Variants in SUGCT observed in about 807,000 individuals in gnomAD.
SUGCT encodes the protein succinyl-CoA:glutarate CoA-transferase.
SUGCT carries 41 observed loss-of-function variants against 55.0 expected under a neutral mutation model. That is an observed-to-expected ratio of 0.74 (90% CI 0.58 to 0.97). The LOEUF (loss-of-function observed/expected upper bound fraction) is 0.97. Ranked by LOEUF, SUGCT falls within the 50% of genes least tolerant of loss-of-function variation. The pLI, the probability that SUGCT is intolerant of heterozygous loss-of-function variation, is 0.00. For synonymous variants in SUGCT, 187 were observed against 200.4 expected (o/e 0.93, Z 0.56); for missense variants, 568 against 547.8 (o/e 1.04, Z -0.37).
intron 12 of SUGCT, among the ~76,000 whole-genome samples, chr7:40,673,490 A>G (rs1404027115): frequency 6.6e-6 from 1 of 152,130 alleles, no homozygotes; most frequent in African/African-American, 2.4e-5. Context: ...CCTCTGAACC[A>G]CTGAGTCACT....
At chr7:40,983,314 A>G in the SUGCT span, among the ~76,000 whole-genome samples, 2 of 152,064 alleles carry the variant, frequency 1.3e-5, no homozygotes, top group African/African-American at 2.4e-5. Flanking sequence ...CTCAACCGTA[A>G]CAGACAGTCC....
chr7:40,409,591 T>C (rs578066481), intron 9 of SUGCT, among the ~76,000 whole-genome samples: 7 of 152,346 alleles, frequency 4.6e-5, no homozygotes, highest in Admixed American at 2.0e-4. Flanking sequence ...AGTTCAATTC[T>C]ATTGTCATTG....
intron 13 of SUGCT, chr7:40,775,521 A>G (rs1379577781): frequency 6.6e-6 from 1 of 152,206 alleles, no homozygotes; most frequent in Non-Finnish European, 1.5e-5. Context: ...TAGAAACATT[A>G]TTTCATCTTG....
intron 11 of SUGCT, among the ~76,000 whole-genome samples, chr7:40,486,428 T>G (rs1050195117): frequency 6.6e-6 from 1 of 152,128 alleles, no homozygotes; most frequent in Non-Finnish European, 1.5e-5. Context: ...TTCTTTGTTT[T>G]GTTGCTTTTT....
At position 40,533,765 on chromosome 7, in the gene SUGCT, T is replaced by C. The variant is rs191575940; in HGVS notation, c.1089+37379T>C. On this transcript the variant is annotated intron_variant, in intron 12 of 13. Transcript: ENST00000335693. Reference sequence around the variant, plus strand: ...AAAACATCTAGTGTTTTAATAACTTTTGTGAACATTTCAGTCACACCTAAT... The same window carrying C: ...AAAACATCTAGTGTTTTAATAACTTCTGTGAACATTTCAGTCACACCTAAT... Among the ~76,000 whole-genome samples the C allele has an allele frequency of 7.6e-4, 115 of 152,312 alleles. 1 individual carries two copies. The highest frequency in any genetic ancestry group is 6.8e-3 in the Middle Eastern group (2 of 294).
intron 6 of SUGCT, among the ~76,000 whole-genome samples, chr7:40,206,389 G>T (rs988424031): frequency 2.6e-5 from 4 of 152,212 alleles, no homozygotes; most frequent in African/African-American, 7.2e-5. Flanking sequence ...CCTTTTATTT[G>T]AACCTCAGTA....
At chr7:40,770,703 G>A (rs1789053709) in intron 13 of SUGCT, among the ~76,000 whole-genome samples, 1 of 152,190 alleles carries the variant, frequency 6.6e-6, no homozygotes, top group Non-Finnish European at 1.5e-5. Context: ...TATGGAAGAA[G>A]AGAAGGGATA....
the SUGCT span, among the ~76,000 whole-genome samples, chr7:41,007,084 A>G: frequency 2.2e-3 from 280 of 125,914 alleles, 5 homozygotes; most frequent in Admixed American, 0.024. Context: ...GAAAAATCTT[A>G]AGCTTAGAGA....
the SUGCT span, among the ~76,000 whole-genome samples, chr7:41,025,545 T>G: frequency 6.6e-6 from 1 of 151,956 alleles, no homozygotes; most frequent in Non-Finnish European, 1.5e-5. Flanking sequence ...ATAGTAGAGA[T>G]AGGATTTCAC....
chr7:40,622,528 G>GTTTTTTTTTT (rs370877783), intron 12 of SUGCT, among the ~76,000 whole-genome samples: 20 of 81,842 alleles, frequency 2.4e-4, no homozygotes, highest in Non-Finnish European at 3.0e-4. Flanking sequence ...TGTTGTGGTT[G>GTTTTTTTTTT]TTTTTTTTTT....
chr7:40,480,133 T>G (rs940403263), intron 11 of SUGCT, among the ~76,000 whole-genome samples: 1 of 152,106 alleles, frequency 6.6e-6, no homozygotes, highest in Non-Finnish European at 1.5e-5. Flanking sequence ...TCTTTTTCTA[T>G]TAGTTATATC....
chr7:40,802,455 T>C (rs1243554186), intron 13 of SUGCT, among the ~76,000 whole-genome samples: 1 of 152,212 alleles, frequency 6.6e-6, no homozygotes, highest in Non-Finnish European at 1.5e-5. Context: ...ATTTACTGTG[T>C]ATTCTGATCC....
intron 8 of SUGCT, among the ~76,000 whole-genome samples, chr7:40,295,953 A>G (rs939350753): frequency 6.6e-6 from 1 of 152,206 alleles, no homozygotes; most frequent in African/African-American, 2.4e-5. Flanking sequence ...TGCCATGTGT[A>G]GGGCAGGTGC....
chr7:40,626,730 C>G (rs1396121385), intron 12 of SUGCT, among the ~76,000 whole-genome samples: 1 of 152,070 alleles, frequency 6.6e-6, no homozygotes, highest in Non-Finnish European at 1.5e-5. Context: ...GGTCCAAATC[C>G]TAGTTCTGGG....
chr7:40,644,852 G>A (rs114329433), intron 12 of SUGCT, among the ~76,000 whole-genome samples: 1,539 of 152,300 alleles, frequency 0.01, 27 homozygotes, highest in African/African-American at 0.035. Flanking sequence ...GTTTACCCGA[G>A]TTGCTTTGCG....
intron 9 of SUGCT, among the ~76,000 whole-genome samples, chr7:40,393,647 G>A (rs1785562474): frequency 6.6e-6 from 1 of 152,204 alleles, no homozygotes; most frequent in African/African-American, 2.4e-5. Flanking sequence ...GATAGAGGAG[G>A]GAGTATGACC....
chr7:40,142,076 G>T (rs149186431), intron 1 of SUGCT, among the ~76,000 whole-genome samples: 2,666 of 152,210 alleles, frequency 0.018, 74 homozygotes, highest in African/African-American at 0.062. Flanking sequence ...AATGAGTCAG[G>T]GTGGAGAATG....
chr7:40,384,928 C>T (rs1023864859), intron 9 of SUGCT, among the ~76,000 whole-genome samples: 8 of 152,110 alleles, frequency 5.3e-5, no homozygotes, highest in African/African-American at 1.9e-4. Context: ...TTGTGGTAAA[C>T]AAAGATAGGC....
At chr7:40,370,337 G>C (rs547973514) in intron 9 of SUGCT, among the ~76,000 whole-genome samples, 2 of 152,212 alleles carry the variant, frequency 1.3e-5, no homozygotes, top group South Asian at 4.2e-4. Flanking sequence ...GGGGAGATCT[G>C]TAGGGCCCTG....
Sources: allele counts gnomAD v4.1 joint callset (sites outside exome capture counted in the v4.1 genomes callset), GRCh38; gene constraint gnomAD v4.1.1; transcripts MANE v1.5; gene names NCBI Gene and HGNC (gene_info 2026-07-23, HGNC 2026-07-21).